The following WASHC5 variants were observed in gnomAD, a reference collection of about 807,000 sequenced individuals.
WASHC5 encodes the protein WASH complex subunit strumpellin.
WASHC5 carries 101 observed loss-of-function variants against 150.4 expected under a neutral mutation model. That is an observed-to-expected ratio of 0.67 (90% CI 0.57 to 0.79). The LOEUF (loss-of-function observed/expected upper bound fraction) is 0.79. WASHC5 is among the 30% of genes least tolerant of loss of function. The pLI is 0.00. For synonymous variants in WASHC5, 467 were observed against 491.2 expected (o/e 0.95, Z 0.65); for missense variants, 1,195 against 1,396.3 (o/e 0.86, Z 2.30).
chr8:125,024,300 TGC>T lies in WASHC5; in HGVS notation c.*315_*316del. On this transcript the variant is annotated 3_prime_UTR_variant, in exon 29 of 29. Transcript: ENST00000318410. Reference sequence around the variant, plus strand: ...TACTATTTTACTGAAAATCTGGAGTTGCACAAATAGTTCTTTAGAACATAAAA... The same window carrying T: ...TACTATTTTACTGAAAATCTGGAGTTACAAATAGTTCTTTAGAACATAAAA... The T allele has an allele frequency of 5.2e-6, 2 of 381,494 alleles. No homozygotes were observed. Among genetic ancestry groups the T allele is most frequent in the Non-Finnish European group, 9.7e-6 (2 of 205,512 alleles). 23.6% of individuals were successfully genotyped at this position (381,494 alleles called of 1,614,324 possible).
At chr8:125,075,186 GA>G in intron 7 of WASHC5, 75 bp from the exon 8 acceptor site, 1 of 908,110 alleles carries the variant, frequency 1.1e-6, no homozygotes, top group Non-Finnish European at 1.9e-6. Flanking sequence ...TAAAGTTATA[GA>G]AGGCAATACC....
intron 17 of WASHC5, among the ~76,000 whole-genome samples, chr8:125,052,450 A>G (rs557138784): frequency 6.6e-6 from 1 of 151,388 alleles, no homozygotes; most frequent in South Asian, 2.1e-4. Flanking sequence ...ACCTTTCTCC[A>G]TTCGTTTATA....
chr8:125,082,264 G>T, intron 4 of WASHC5, 119 bp downstream of exon 4: 1 of 669,216 alleles, frequency 1.5e-6, no homozygotes. Flanking sequence ...ATAATTAAAA[G>T]CTCATTTCGC....
intron 17 of WASHC5, among the ~76,000 whole-genome samples, chr8:125,054,177 G>C (rs1563619713): frequency 1.3e-5 from 2 of 152,192 alleles, no homozygotes; most frequent in Non-Finnish European, 2.9e-5. Context: ...GGGGGCACAG[G>C]TGTCTGTCCC....
At chr8:125,035,646 T>A (rs904649464) in intron 26 of WASHC5, among the ~76,000 whole-genome samples, 1 of 152,194 alleles carries the variant, frequency 6.6e-6, no homozygotes, top group African/African-American at 2.4e-5. Flanking sequence ...ACACATTGGT[T>A]CCCTCCCTCC....
chr8:125,049,097 T>C lies in WASHC5; in HGVS notation c.2288A>G (p.Asn763Ser), dbSNP rs1394746535. 3 of 1,613,962 alleles carry C rather than the reference T, an allele frequency of 1.9e-6. No homozygotes were observed. The highest frequency in any genetic ancestry group is 2.5e-6 in the Non-Finnish European group (3 of 1,179,944). The part of the protein sequence containing the change: ...RSFEYIQDYV[N>S]IYGLKIWQEE... Reference sequence around the variant, plus strand: ...CTGCCAAATCTTCAGACCATAAATGTTGACATAGTCCTGTATGTATTCAAA... The same window carrying C: ...CTGCCAAATCTTCAGACCATAAATGCTGACATAGTCCTGTATGTATTCAAA... Residue 763 changes from asparagine to serine, a missense_variant, in exon 19 of 29, where the codon AAC becomes AGC. Asn to Ser is a conservative substitution (Grantham distance 46). Around this residue, in one of 3 missense-constraint regions of WASHC5, gnomAD observed 997 missense variants for 1,168.1 expected, o/e 0.85. Transcript: ENST00000318410.
At chr8:125,034,597 T>C (rs1046953222) in intron 26 of WASHC5, among the ~76,000 whole-genome samples, 3 of 152,040 alleles carry the variant, frequency 2.0e-5, no homozygotes, top group Admixed American at 1.3e-4. Context: ...TTGGTGAGAG[T>C]GTAACTGGCA....
chr8:125,040,834 T>G (rs577542330), intron 23 of WASHC5: 1 of 152,324 alleles, frequency 6.6e-6, no homozygotes, highest in East Asian at 1.9e-4. Flanking sequence ...AGTATGTCTT[T>G]ATTATGTGAG....
chr8:125,048,972 AAT>A, intron 19 of WASHC5, 32 bp downstream of exon 19: 1 of 1,540,808 alleles, frequency 6.5e-7, no homozygotes, highest in East Asian at 2.3e-5. Flanking sequence ...AGAAATAACA[AAT>A]ATAGTCAAGA....
intron 26 of WASHC5, among the ~76,000 whole-genome samples, chr8:125,033,576 G>T (rs1396270155): frequency 1.3e-5 from 2 of 150,114 alleles, no homozygotes; most frequent in African/African-American, 2.5e-5. Flanking sequence ...TTGAGACGGA[G>T]CTCACTATGT....
At chr8:125,057,497 T>C (rs1165775989) in intron 15 of WASHC5, 59 bp downstream of exon 15, 2 of 1,145,760 alleles carry the variant, frequency 1.7e-6, no homozygotes, top group Non-Finnish European at 2.6e-6. Context: ...AGCATACTTT[T>C]TGTATTTAAA....
chr8:125,059,120 A>G, intron 14 of WASHC5, 102 bp downstream of exon 14: 1 of 832,292 alleles, frequency 1.2e-6, no homozygotes, highest in Non-Finnish European at 2.0e-6. Context: ...GAAATTATTT[A>G]CCTTCCTAAA....
At chr8:125,081,125 A>G (rs1265049371) in intron 5 of WASHC5, among the ~76,000 whole-genome samples, 1 of 152,084 alleles carries the variant, frequency 6.6e-6, no homozygotes, top group African/African-American at 2.4e-5. Context: ...CTAATAATCT[A>G]TAATATATAG....
chr8:125,079,142 A>ATT (rs1554597113), intron 5 of WASHC5, among the ~76,000 whole-genome samples: 2 of 108,228 alleles, frequency 1.8e-5, no homozygotes, highest in African/African-American at 1.2e-4. Flanking sequence ...ATATATATAC[A>ATT]TTTTTTTTTG....
At position 125,075,820 on chromosome 8, in the gene WASHC5, C is replaced by G. The variant is rs75480157; in HGVS notation, c.864+528G>C. 2.6e-5 allele frequency among the ~76,000 whole-genome samples: 4 copies of G among 152,158 alleles called. No homozygotes were observed. In the East Asian group the frequency reaches 7.7e-4, roughly 29 times the overall value. ...AAAGCCTCTTTGTTTTCATATATTTCATTTCATATATATTATGAAGCAAGC... is the reference window on the plus strand; with the variant it reads ...AAAGCCTCTTTGTTTTCATATATTTGATTTCATATATATTATGAAGCAAGC... On this transcript the variant is annotated intron_variant, in intron 7 of 28. Coordinates refer to ENST00000318410, the MANE Select transcript of WASHC5 (RefSeq NM_014846.4).
chr8:125,076,744 T>TAAAAAAAAAA (rs59580091), intron 6 of WASHC5, among the ~76,000 whole-genome samples: 3 of 132,274 alleles, frequency 2.3e-5, no homozygotes, highest in Admixed American at 7.3e-5. Context: ...AGTCTTTTCT[T>TAAAAAAAAAA]AAAAAAAAAA....
In WASHC5 at chr8:125,024,373, G is replaced by T. The variant is rs1815311561; in HGVS notation, c.*244C>A. ...CAGTTACATTCAGCATTTAAGAGAG[G>T]CAGTACAAAAATGTGTTCTGCTTTT... On this transcript the variant is annotated 3_prime_UTR_variant, in exon 29 of 29. Coordinates refer to ENST00000318410, the MANE Select transcript of WASHC5 (RefSeq NM_014846.4). The T allele has an allele frequency of 1.8e-6, 1 of 561,720 alleles. No homozygotes were observed. The highest frequency in any genetic ancestry group is 3.2e-6 in the Non-Finnish European group (1 of 309,688). The allele number at this position is 561,720 out of a possible 1,614,324, so 34.8% of individuals were successfully genotyped here.
intron 27 of WASHC5, among the ~76,000 whole-genome samples, chr8:125,029,614 A>T (rs899513514): frequency 3.3e-5 from 5 of 152,208 alleles, no homozygotes; most frequent in Admixed American, 6.5e-5. Flanking sequence ...GCAATTTTTC[A>T]TATGGGATTT....
At chr8:125,044,182 G>C in intron 21 of WASHC5, 88 bp from the exon 22 acceptor site, 1 of 898,144 alleles carries the variant, frequency 1.1e-6, no homozygotes, top group South Asian at 1.4e-5. Flanking sequence ...ATGCAGAACA[G>C]AGGCTGGGCC....
Sources: gnomAD v4.1 joint callset for allele counts (sites outside exome capture counted in the v4.1 genomes callset) on GRCh38, gnomAD v4.1.1 for gene constraint, gnomAD v4.1.1 regional missense constraint, MANE v1.5 for transcripts, NCBI Gene and HGNC (gene_info 2026-07-23, HGNC 2026-07-21) for gene names.